Variants in MCM9 observed in about 807,000 individuals in gnomAD.
MCM9 encodes the protein minichromosome maintenance 9 homologous recombination repair factor, also known as DNA helicase MCM9.
MCM9 carries 55 observed loss-of-function variants against 72.8 expected under a neutral mutation model. The ratio of observed to expected loss-of-function variants is 0.76; its 90% confidence interval spans 0.61 to 0.95. The LOEUF is 0.95. Among genes scored for constraint, MCM9 ranks in the 40% least tolerant of loss-of-function variants. MCM9 has a pLI of 0.00. For synonymous variants in MCM9, 480 were observed against 503.4 expected, an observed-to-expected ratio of 0.95 and a Z score of 0.62; for missense variants, 1,279 against 1,377.0, an observed-to-expected ratio of 0.93 and a Z score of 1.13.
chr6:118,837,246 C>T (rs1583382072), intron 9 of MCM9, among the ~76,000 whole-genome samples: 1 of 152,084 alleles, frequency 6.6e-6, no homozygotes, highest in South Asian at 2.1e-4. Flanking sequence ...TTATGATTTT[C>T]ACTCTTTTGC....
chr6:118,843,670 G>GTGTATATATATATATA (rs1562407108), intron 9 of MCM9, among the ~76,000 whole-genome samples: 4 of 17,144 alleles, frequency 2.3e-4, no homozygotes, highest in Admixed American at 7.9e-4. Context: ...ATATATATAT[G>GTGTATATATATATATA]TATGTATATA....
intron 8 of MCM9, among the ~76,000 whole-genome samples, chr6:118,904,701 A>C (rs1780052453): frequency 6.6e-6 from 1 of 152,252 alleles, no homozygotes; most frequent in African/African-American, 2.4e-5. Context: ...AGCAATCCTT[A>C]CCTTCACTGG....
Position 118,888,443 on chromosome 6 carries a change from C to T in MCM9, c.1150+23207G>A, listed in dbSNP as rs537034833. Among the ~76,000 whole-genome samples the T allele has an allele frequency of 5.3e-5, 8 of 152,124 alleles. No homozygotes were observed. In the South Asian group the frequency reaches 1.0e-3, roughly 20 times the overall value. On this transcript the variant is annotated intron_variant, in intron 8 of 13. Transcript: ENST00000619706. ...CAGAGCTTGCAGTGAGCCGAGATCACGCCACTGCACTCCAGCCTGGGTGAC... is the reference window on the plus strand; with the variant it reads ...CAGAGCTTGCAGTGAGCCGAGATCATGCCACTGCACTCCAGCCTGGGTGAC...
intron 11 of MCM9, 137 bp downstream of exon 11, chr6:118,827,790 A>G: frequency 1.3e-6 from 1 of 751,508 alleles, no homozygotes. Flanking sequence ...TCTGGCTCAG[A>G]GCCTTTATTT....
intron 8 of MCM9, among the ~76,000 whole-genome samples, chr6:118,903,755 T>G (rs1015892132): frequency 1.1e-4 from 17 of 152,164 alleles, no homozygotes; most frequent in African/African-American, 4.1e-4. Flanking sequence ...ATTTCTTTTT[T>G]AAATTTGTTT....
intron 8 of MCM9, among the ~76,000 whole-genome samples, chr6:118,892,988 C>A (rs1009575664): frequency 6.6e-6 from 1 of 152,182 alleles, no homozygotes; most frequent in South Asian, 2.1e-4. Context: ...TTCCAGAACA[C>A]ATACTTAAGA....
At chr6:118,911,623 A>G (rs1780552086) in intron 8 of MCM9, 27 bp downstream of exon 8, 2 of 1,592,484 alleles carry the variant, frequency 1.3e-6, no homozygotes, top group Non-Finnish European at 1.7e-6. Flanking sequence ...GTAATGTTAA[A>G]TTACTTGAAA....
chr6:118,895,232 G>GTC (rs1318209462), intron 8 of MCM9, among the ~76,000 whole-genome samples: 2 of 151,940 alleles, frequency 1.3e-5, no homozygotes, highest in Non-Finnish European at 2.9e-5. Flanking sequence ...CCCGGGGGCC[G>GTC]TGGGTCCTGT....
intron 9 of MCM9, among the ~76,000 whole-genome samples, chr6:118,843,990 A>G (rs1775689388): frequency 6.7e-6 from 1 of 149,922 alleles, no homozygotes; most frequent in African/African-American, 2.5e-5. Context: ...GGGCCCCAGA[A>G]TATCTAGATG....
At chr6:118,851,207 A>G (rs368200458) in intron 9 of MCM9, among the ~76,000 whole-genome samples, 3 of 151,852 alleles carry the variant, frequency 2.0e-5, no homozygotes, top group East Asian at 3.8e-4. Context: ...TCAAATCAAA[A>G]GCAGCTACTA....
intron 9 of MCM9, among the ~76,000 whole-genome samples, chr6:118,836,075 T>C (rs931262688): frequency 6.6e-6 from 1 of 152,172 alleles, no homozygotes; most frequent in Non-Finnish European, 1.5e-5. Context: ...TGAATTTTAT[T>C]GAAGGCCTTT....
intron 8 of MCM9, among the ~76,000 whole-genome samples, chr6:118,868,411 T>G (rs1013166864): frequency 6.6e-6 from 1 of 152,018 alleles, no homozygotes; most frequent in Non-Finnish European, 1.5e-5. Context: ...AAAGCCAAAA[T>G]AGACAAATGG....
chr6:118,889,400 C>CTTAG (rs1310470560), intron 8 of MCM9, among the ~76,000 whole-genome samples: 3 of 152,206 alleles, frequency 2.0e-5, no homozygotes, highest in Non-Finnish European at 2.9e-5. Flanking sequence ...AGCTGCTATG[C>CTTAG]TTAGTAATGG....
chr6:118,879,712 T>C (rs1778161622), intron 8 of MCM9, among the ~76,000 whole-genome samples: 1 of 151,688 alleles, frequency 6.6e-6, no homozygotes, highest in Non-Finnish European at 1.5e-5. Flanking sequence ...TGTTTTAATG[T>C]CCATGTTGGG....
intron 8 of MCM9, among the ~76,000 whole-genome samples, chr6:118,906,023 GTAAT>G (rs1168463230): frequency 6.6e-6 from 1 of 152,178 alleles, no homozygotes; most frequent in Non-Finnish European, 1.5e-5. Flanking sequence ...TGAGTCATTA[GTAAT>G]TAATGTAGGC....
At chr6:118,875,472 A>G (rs1474822806) in intron 8 of MCM9, among the ~76,000 whole-genome samples, 1 of 151,966 alleles carries the variant, frequency 6.6e-6, no homozygotes, top group Non-Finnish European at 1.5e-5. Context: ...CCCTGTCTCT[A>G]CAAAATACCC....
intron 13 of MCM9, among the ~76,000 whole-genome samples, chr6:118,821,025 G>A (rs976028870): frequency 4.6e-5 from 7 of 151,852 alleles, no homozygotes; most frequent in Admixed American, 1.3e-4. Flanking sequence ...GTATTTGCTC[G>A]TGAGATGGGT....
chr6:118,843,658 G>GTATATATATATATATGTA (rs74206505), intron 9 of MCM9, among the ~76,000 whole-genome samples: 1 of 21,592 alleles, frequency 4.6e-5, no homozygotes, highest in African/African-American at 1.6e-4. Context: ...ATATATATGT[G>GTATATATATATATATGTA]TATATATATA....
chr6:118,899,701 C>T (rs1290113387), intron 8 of MCM9, among the ~76,000 whole-genome samples: 1 of 152,160 alleles, frequency 6.6e-6, no homozygotes, highest in African/African-American at 2.4e-5. Flanking sequence ...TATAAATAAG[C>T]AGTACGTTAC....
Sources: allele counts gnomAD v4.1 joint callset (sites outside exome capture counted in the v4.1 genomes callset), GRCh38; gene constraint gnomAD v4.1.1; transcripts MANE v1.5; gene names NCBI Gene and HGNC (gene_info 2026-07-23, HGNC 2026-07-21).